The following RANBP2 variants were observed in gnomAD, a reference collection of about 807,000 sequenced individuals.
RANBP2 encodes E3 SUMO-protein ligase RanBP2.
RANBP2 carries 57 observed loss-of-function variants against 303.6 expected under a neutral mutation model. The observed-to-expected ratio is 0.19, with a 90% CI of 0.15 to 0.23. The LOEUF (loss-of-function observed/expected upper bound fraction) is 0.23, where lower values mean the gene tolerates loss of function less well. Among genes scored for constraint, RANBP2 ranks in the 10% least tolerant of loss-of-function variants. RANBP2 has a pLI of 1.00. For missense variants in RANBP2, 3,138 were observed against 3,780.8 expected (o/e 0.83, Z 4.46); for synonymous variants, 1,167 against 1,301.5 (o/e 0.90, Z 2.23).
At chr2:109,388,376 C>T in the RANBP2 span, among the ~76,000 whole-genome samples, 1 of 152,174 alleles carries the variant, frequency 6.6e-6, no homozygotes, top group Non-Finnish European at 1.5e-5. Context: ...AAAAGCTCCA[C>T]CTGCCACAGA....
the RANBP2 span, among the ~76,000 whole-genome samples, chr2:108,903,342 C>G: frequency 6.6e-6 from 1 of 151,850 alleles, no homozygotes; most frequent in Admixed American, 6.6e-5. Flanking sequence ...TTTGTTGCAA[C>G]TCATTAAAAT....
chr2:109,260,071 C>T, the RANBP2 span, among the ~76,000 whole-genome samples: 1 of 152,046 alleles, frequency 6.6e-6, no homozygotes, highest in African/African-American at 2.4e-5. Context: ...TTATCTCAAC[C>T]CTGGGAATAC....
rs139954419 is a variant in RANBP2, at chr2:108,753,897, T to C, written c.2128T>C (p.Tyr710His). Reference sequence around the variant, plus strand: ...TGAAGAACAAGAAGAATGCAAAAATTATCTGAGAAAGACCAGGGACTACCT... The same window carrying C: ...TGAAGAACAAGAAGAATGCAAAAATCATCTGAGAAAGACCAGGGACTACCT... ...SPEEQEECKN[Y>H]LRKTRDYLIK... Residue 710 changes from tyrosine to histidine, a missense_variant, in exon 15 of 29, where the codon TAT (tyrosine) becomes CAT (histidine). By Grantham distance (83) the Tyr-to-His change is moderately conservative. Coordinates refer to ENST00000283195, the MANE Select transcript of RANBP2 (RefSeq NM_006267.5). 7 of 1,611,902 alleles carry C rather than the reference T, an allele frequency of 4.3e-6. No individual in the cohort carries two copies. In the African/African-American group the frequency reaches 9.4e-5, roughly 22 times the overall value.
the RANBP2 span, among the ~76,000 whole-genome samples, chr2:109,400,798 A>G: frequency 2.0e-5 from 3 of 152,202 alleles, no homozygotes; most frequent in Admixed American, 6.5e-5. Context: ...CCGTGCAGTC[A>G]TCTGCCCCCA....
chr2:109,764,268 C>T, the RANBP2 span, among the ~76,000 whole-genome samples: 4 of 148,264 alleles, frequency 2.7e-5, 1 homozygote, highest in East Asian at 6.4e-4. Flanking sequence ...TTGGGCATTC[C>T]GTGAGTTTAC....
chr2:109,347,536 T>G, the RANBP2 span: 7 of 1,177,484 alleles, frequency 5.9e-6, no homozygotes, highest in Non-Finnish European at 5.9e-6. Context: ...TTTAAAATAT[T>G]TTCCACTTGC....
At chr2:109,485,240 G>A in the RANBP2 span, among the ~76,000 whole-genome samples, 1 of 102,234 alleles carries the variant, frequency 9.8e-6, no homozygotes, top group Non-Finnish European at 2.4e-5. Flanking sequence ...GAAAGAAGTG[G>A]TGGGACAGCC....
At chr2:109,467,471 G>A in the RANBP2 span, among the ~76,000 whole-genome samples, 4 of 152,326 alleles carry the variant, frequency 2.6e-5, no homozygotes, top group East Asian at 5.8e-4. Context: ...GTTTCCTGGG[G>A]ACTGGAAGAA....
chr2:109,129,676 A>C, the RANBP2 span: 1 of 1,523,036 alleles, frequency 6.6e-7, no homozygotes, highest in Non-Finnish European at 8.8e-7. Flanking sequence ...GGGCGAGGAC[A>C]TGGACGAGTC....
chr2:108,804,847 C>T, the RANBP2 span: 1 of 1,463,184 alleles, frequency 6.8e-7, no homozygotes, highest in Non-Finnish European at 9.0e-7. Flanking sequence ...GATATACAGT[C>T]CTTACAAGTT....
chr2:109,109,441 A>G, the RANBP2 span, among the ~76,000 whole-genome samples: 1 of 152,198 alleles, frequency 6.6e-6, no homozygotes, highest in Non-Finnish European at 1.5e-5. Context: ...GCATTTTAAA[A>G]TGGCTTTTGT....
At chr2:109,482,103 C>T in the RANBP2 span, among the ~76,000 whole-genome samples, 499 of 152,208 alleles carry the variant, frequency 3.3e-3, 16 homozygotes, top group East Asian at 0.061. Flanking sequence ...CTCAGCAAGT[C>T]CCGGGTTCGA....
the RANBP2 span, among the ~76,000 whole-genome samples, chr2:108,891,268 T>C: frequency 6.6e-6 from 1 of 152,278 alleles, no homozygotes; most frequent in Non-Finnish European, 1.5e-5. Context: ...TAAGTGGATC[T>C]CTGCACATCT....
the RANBP2 span, among the ~76,000 whole-genome samples, chr2:109,580,944 T>G: frequency 6.6e-6 from 1 of 152,058 alleles, no homozygotes; most frequent in Non-Finnish European, 1.5e-5. Flanking sequence ...CATCTGTAGG[T>G]TGGAACAGAA....
the RANBP2 span, chr2:109,130,032 G>A: frequency 1.5e-6 from 2 of 1,346,832 alleles, no homozygotes; most frequent in South Asian, 1.9e-5. Context: ...CGGGTTCCCC[G>A]GTTTTCCTCT....
the RANBP2 span, among the ~76,000 whole-genome samples, chr2:109,725,863 G>T: frequency 6.6e-6 from 1 of 151,936 alleles, no homozygotes; most frequent in Non-Finnish European, 1.5e-5. Context: ...CTCCTGAGTA[G>T]CTAGGATGCC....
At chr2:108,964,761 C>T in the RANBP2 span, among the ~76,000 whole-genome samples, 1 of 152,200 alleles carries the variant, frequency 6.6e-6, no homozygotes, top group Non-Finnish European at 1.5e-5. Flanking sequence ...TGACAGCAGG[C>T]AGCAGCCCTT....
the RANBP2 span, among the ~76,000 whole-genome samples, chr2:108,838,939 T>C: frequency 1.3e-5 from 2 of 152,176 alleles, no homozygotes; most frequent in Non-Finnish European, 2.9e-5. Context: ...TAGAGTATCT[T>C]TGTGTAGGTT....
the RANBP2 span, among the ~76,000 whole-genome samples, chr2:109,170,696 T>G: frequency 6.6e-6 from 1 of 152,166 alleles, no homozygotes; most frequent in Admixed American, 6.5e-5. Context: ...AGTCTGAGGT[T>G]GTTATTTGTT....
Sources: allele counts gnomAD v4.1 joint callset (sites outside exome capture counted in the v4.1 genomes callset), GRCh38; gene constraint gnomAD v4.1.1; transcripts MANE v1.5; gene names NCBI Gene and HGNC (gene_info 2026-07-23, HGNC 2026-07-21).